Variants in SLC38A8 observed in about 807,000 individuals in gnomAD.
The protein encoded by SLC38A8 is solute carrier family 38 member 8, also known as amino acid transporter SLC38A8.
In SLC38A8, 65 loss-of-function variants were observed where a neutral mutation model predicts 46.0. The ratio of observed to expected loss-of-function variants is 1.41; its 90% CI spans 1.16 to 1.74. SLC38A8 has a LOEUF of 1.74. Among genes scored for constraint, SLC38A8 ranks in the 40% most tolerant of loss-of-function variants. The pLI, the probability that SLC38A8 is intolerant of heterozygous loss-of-function variation, is 0.00. For synonymous variants in SLC38A8, 447 were observed against 243.7 expected (o/e 1.83, Z -7.77); for missense variants, 998 against 567.9 (o/e 1.76, Z -7.70).
chr16:84,019,211 A>G (rs2085068229), intron 7 of SLC38A8, among the ~76,000 whole-genome samples: 1 of 151,938 alleles, frequency 6.6e-6, no homozygotes, highest in Non-Finnish European at 1.5e-5. Flanking sequence ...AGTAGCCTGG[A>G]TTACAGGCAC....
chr16:84,028,065 A>C (rs971057786), intron 6 of SLC38A8, among the ~76,000 whole-genome samples: 3 of 150,304 alleles, frequency 2.0e-5, no homozygotes, highest in African/African-American at 4.9e-5. Context: ...TTTTTTTCCT[A>C]AAAAGGGTTC....
intron 9 of SLC38A8, among the ~76,000 whole-genome samples, chr16:84,013,877 G>A (rs1009839823): frequency 6.6e-6 from 1 of 152,172 alleles, no homozygotes; most frequent in African/African-American, 2.4e-5. Flanking sequence ...CTGGCCACCT[G>A]GTCACAGCAT....
At chr16:84,022,685 G>A (rs1201916072) in intron 7 of SLC38A8, 90 bp downstream of exon 7, 16 of 983,858 alleles carry the variant, frequency 1.6e-5, no homozygotes, top group African/African-American at 4.8e-5. Context: ...AGCCCAGCAC[G>A]TGGTAAACTC....
At chr16:84,011,464 C>A (rs1464044332) in intron 10 of SLC38A8, among the ~76,000 whole-genome samples, 1 of 152,176 alleles carries the variant, frequency 6.6e-6, no homozygotes, top group African/African-American at 2.4e-5. Flanking sequence ...TTTGCAAAAA[C>A]CAAGCTTGGG....
Position 84,033,994 on chromosome 16 carries a change from C to A in SLC38A8, c.389-525G>T, listed in dbSNP as rs186592818. Reference sequence around the variant, plus strand: ...GGTAGAGAGTTAGTACAGGGCCAGGCTGGCCAATCCTCCTCCATATAGAAT... The same window carrying A: ...GGTAGAGAGTTAGTACAGGGCCAGGATGGCCAATCCTCCTCCATATAGAAT... On this transcript the variant is annotated intron_variant, in intron 3 of 10. Transcript: ENST00000299709. 3.0e-3 allele frequency among the ~76,000 whole-genome samples: 460 copies of A among 152,308 alleles called. 1 individual carries two copies. Among genetic ancestry groups the A allele is most frequent in the African/African-American group, 0.011 (437 of 41,574 alleles).
intron 9 of SLC38A8, among the ~76,000 whole-genome samples, chr16:84,015,645 C>G (rs1185154740): frequency 4.6e-5 from 7 of 152,004 alleles, no homozygotes; most frequent in African/African-American, 1.7e-4. Flanking sequence ...TCAAGAATGT[C>G]CATCAGGAGC....
intron 5 of SLC38A8, among the ~76,000 whole-genome samples, chr16:84,031,433 C>T (rs998959640): frequency 4.6e-5 from 7 of 152,234 alleles, no homozygotes; most frequent in Non-Finnish European, 1.0e-4. Flanking sequence ...CAAAACCAAA[C>T]TCCTCGCCGT....
At position 84,022,834 on chromosome 16, in the gene SLC38A8, T is replaced by G. The variant is rs757805013; in HGVS notation, c.746A>C (p.His249Pro). Residue 249 changes from histidine to proline, a missense_variant, in exon 7 of 11, where the codon CAC becomes CCC. Physicochemically the swap from His to Pro is moderately conservative, Grantham distance 77. Coordinates refer to ENST00000299709, the MANE Select transcript of SLC38A8 (RefSeq NM_001080442.3). Reference sequence around the variant, plus strand: ...GGACAGCACAGACACCAGGGCCCAGTGGGAGAGGCTCCGTTTGCGCATGCT... The same window carrying G: ...GGACAGCACAGACACCAGGGCCCAGGGGGAGAGGCTCCGTTTGCGCATGCT... ...YCSMRKRSLS[H>P]WALVSVLSLL... is the part of the protein sequence containing the mutation. 2 of 1,612,790 alleles carry G rather than the reference T, an allele frequency of 1.2e-6. No individual in the cohort carries two copies. Among genetic ancestry groups the G allele is most frequent in the African/African-American group, 1.3e-5 (1 of 74,784 alleles).
intron 4 of SLC38A8, 33 bp downstream of exon 4, chr16:84,033,295 G>C (rs2085266010): frequency 6.2e-7 from 1 of 1,613,566 alleles, no homozygotes; most frequent in Admixed American, 1.7e-5. Flanking sequence ...CAGCAAGGTG[G>C]GGGCCCCCAC....
chr16:84,034,506 A>T (rs899484895), intron 3 of SLC38A8, among the ~76,000 whole-genome samples: 1 of 152,146 alleles, frequency 6.6e-6, no homozygotes, highest in Non-Finnish European at 1.5e-5. Flanking sequence ...TGGGTGGGTG[A>T]GGTGGCCCCT....
intron 7 of SLC38A8, among the ~76,000 whole-genome samples, chr16:84,021,628 C>G (rs774710874): frequency 1.3e-5 from 2 of 152,200 alleles, no homozygotes; most frequent in Non-Finnish European, 2.9e-5. Flanking sequence ...CCTGCTCCTC[C>G]GAATTCTTCC....
At chr16:84,039,504 G>C (rs1361410984) in intron 2 of SLC38A8, among the ~76,000 whole-genome samples, 1 of 152,076 alleles carries the variant, frequency 6.6e-6, no homozygotes, top group South Asian at 2.1e-4. Context: ...CAGCACTTTG[G>C]GAGGCCAAGG....
At chr16:84,017,848 C>A (rs1173281530) in intron 7 of SLC38A8, among the ~76,000 whole-genome samples, 3 of 152,154 alleles carry the variant, frequency 2.0e-5, no homozygotes, top group African/African-American at 2.4e-5. Context: ...TTCCTTTCAG[C>A]TTCTCTGCAA....
In SLC38A8 at chr16:84,039,748, A is replaced by ACC. The variant is rs1567705689; in HGVS notation, c.189+2220_189+2221insGG. Among the ~76,000 whole-genome samples the ACC allele has an allele frequency of 4.4e-3, 452 of 102,482 alleles. 1 individual carries two copies. The highest frequency in any genetic ancestry group is 5.8e-3 in the Non-Finnish European group (312 of 54,046). 67.2% of individuals were successfully genotyped at this position (102,482 alleles called of 152,430 possible). A position where few individuals can be genotyped will look rare whatever the true frequency, so the allele number is the denominator to read the frequency against. On this transcript the variant is annotated intron_variant, in intron 2 of 10. Transcript: ENST00000299709. ...GGGCAAGAGAGTGAGACCTTCAAAAAAAAAAAAAAAAAAAAAAAAAGGCAG... is the reference window on the plus strand; with the variant it reads ...GGGCAAGAGAGTGAGACCTTCAAAAACCAAAAAAAAAAAAAAAAAAAAGGCAG...
At chr16:84,031,735 G>T in intron 5 of SLC38A8, 132 bp downstream of exon 5, 3 of 749,580 alleles carry the variant, frequency 4.0e-6, no homozygotes, top group Non-Finnish European at 4.4e-6. Context: ...CATCAGAGAC[G>T]GAAAGAACTG....
intron 2 of SLC38A8, among the ~76,000 whole-genome samples, chr16:84,040,770 G>A (rs1002007062): frequency 6.3e-4 from 96 of 152,104 alleles, no homozygotes; most frequent in Admixed American, 5.7e-3. Flanking sequence ...ATCATCCCCC[G>A]ATCCCCAGAG....
Position 84,012,932 on chromosome 16 carries a change from G to A in SLC38A8, c.1214+69C>T, listed in dbSNP as rs1205805871. On this transcript the variant is annotated intron_variant, in intron 10 of 10. Transcript: ENST00000299709. ...GAGGATGAGAAATAGGATCTGCAGG[G>A]TCCCCTGAAACATTCTTACTCTGAT... is the stretch of plus-strand genomic sequence containing the variant. The A allele has an allele frequency of 9.2e-6, 14 of 1,525,860 alleles. No homozygotes were observed. In the African/African-American group the frequency reaches 1.1e-4, roughly 12 times the overall value. The allele number at this position is 1,525,860 out of a possible 1,614,324, so 94.5% of individuals were successfully genotyped here.
At chr16:84,024,481 G>T (rs531961027) in intron 6 of SLC38A8, among the ~76,000 whole-genome samples, 2 of 151,862 alleles carry the variant, frequency 1.3e-5, no homozygotes, top group Non-Finnish European at 2.9e-5. Context: ...GCCCAAGGGG[G>T]ATAAGAATTT....
intron 7 of SLC38A8, among the ~76,000 whole-genome samples, chr16:84,019,629 A>G (rs1451972144): frequency 6.6e-6 from 1 of 152,118 alleles, no homozygotes; most frequent in Non-Finnish European, 1.5e-5. Flanking sequence ...GCAGATAAAT[A>G]CCCCATGGTT....
Sources: gnomAD v4.1 joint callset for allele counts (sites outside exome capture counted in the v4.1 genomes callset) on GRCh38, gnomAD v4.1.1 for gene constraint, MANE v1.5 for transcripts, NCBI Gene and HGNC (gene_info 2026-07-23, HGNC 2026-07-21) for gene names.